Variants in CDK19 observed in about 807,000 individuals in gnomAD.
CDK19 encodes cyclin-dependent kinase 19.
In CDK19, 20 loss-of-function variants were observed where a neutral mutation model predicts 68.3. The observed-to-expected ratio is 0.29, with a 90% CI of 0.21 to 0.43. The LOEUF is 0.43. Ranked by LOEUF, CDK19 falls within the 20% of genes least tolerant of loss-of-function variation. The pLI, the probability that CDK19 is intolerant of heterozygous loss-of-function variation, is 1.00. For synonymous variants in CDK19, 221 were observed against 222.8 expected (o/e 0.99, Z 0.07); for missense variants, 339 against 623.5 (o/e 0.54, Z 4.86).
chr6:110,777,575 T>C (rs1270582852), intron 1 of CDK19, among the ~76,000 whole-genome samples: 2 of 152,060 alleles, frequency 1.3e-5, no homozygotes, highest in Non-Finnish European at 2.9e-5. Context: ...CTATGGAAAA[T>C]AGTATAGTGG....
intron 6 of CDK19, 36 bp downstream of exon 6, chr6:110,631,994 G>C: frequency 6.4e-7 from 1 of 1,559,658 alleles, no homozygotes; most frequent in Non-Finnish European, 8.7e-7. Context: ...ATGATCGTTA[G>C]ATGACAAGAT....
At position 110,735,273 on chromosome 6, in the gene CDK19, T is replaced by C. The variant is rs142898129; in HGVS notation, c.204+10853A>G. On this transcript the variant is annotated intron_variant, in intron 2 of 12. Coordinates refer to ENST00000368911, the MANE Select transcript of CDK19 (RefSeq NM_015076.5). Reference sequence around the variant, plus strand: ...ACAAATTTTAATTTTATATTTCAAATAAGAATATGCCTGAACACAAAGTTT... The same window carrying C: ...ACAAATTTTAATTTTATATTTCAAACAAGAATATGCCTGAACACAAAGTTT... 3.2e-3 allele frequency among the ~76,000 whole-genome samples: 483 copies of C among 152,060 alleles called. 2 individuals carry two copies. The highest frequency in any genetic ancestry group is 0.011 in the African/African-American group (466 of 41,496).
At chr6:110,723,147 A>AAC (rs1554212139) in intron 2 of CDK19, among the ~76,000 whole-genome samples, 4 of 104,648 alleles carry the variant, frequency 3.8e-5, no homozygotes, top group Admixed American at 1.3e-4. Context: ...AAAAAAACAA[A>AAC]AAACAAAAAA....
At chr6:110,629,353 T>TAAAA (rs1274476593) in intron 6 of CDK19, among the ~76,000 whole-genome samples, 1 of 152,084 alleles carries the variant, frequency 6.6e-6, no homozygotes, top group African/African-American at 2.4e-5. Context: ...GACACACCCA[T>TAAAA]AAACACACCT....
At chr6:110,770,268 TAA>T (rs1231844498) in intron 1 of CDK19, among the ~76,000 whole-genome samples, 1 of 151,316 alleles carries the variant, frequency 6.6e-6, no homozygotes, top group African/African-American at 2.4e-5. Context: ...ATGCTGCTGA[TAA>T]AGACATACCC....
At chr6:110,781,208 G>C (rs1562283313) in intron 1 of CDK19, among the ~76,000 whole-genome samples, 1 of 152,148 alleles carries the variant, frequency 6.6e-6, no homozygotes, top group Non-Finnish European at 1.5e-5. Flanking sequence ...CTTCCGATGA[G>C]GGCCTCAGGA....
chr6:110,648,538 C>CTT lies in CDK19; in HGVS notation c.457-9834_457-9833dup, dbSNP rs60624969. Among the ~76,000 whole-genome samples the CTT allele has an allele frequency of 2.5e-3, 298 of 120,198 alleles. 2 individuals are homozygous for CTT. The highest frequency in any genetic ancestry group is 0.018 in the East Asian group (69 of 3,798). 78.9% of individuals were successfully genotyped at this position (120,198 alleles called of 152,430 possible). A position where few individuals can be genotyped will look rare whatever the true frequency, so the allele number is the denominator to read the frequency against. ...AACACCATGAAATCTTTTTTCTTTTCTTTTTTTTTTTTTTTTTTTTGAGAA... is the reference window on the plus strand; with the variant it reads ...AACACCATGAAATCTTTTTTCTTTTCTTTTTTTTTTTTTTTTTTTTTTGAGAA... On this transcript the variant is annotated intron_variant, in intron 4 of 12. Coordinates refer to ENST00000368911, the MANE Select transcript of CDK19 (RefSeq NM_015076.5).
intron 4 of CDK19, among the ~76,000 whole-genome samples, chr6:110,648,343 G>C (rs1381091609): frequency 6.6e-6 from 1 of 151,960 alleles, no homozygotes; most frequent in Non-Finnish European, 1.5e-5. Context: ...ACAGAGCTTA[G>C]CAAGATGTCT....
chr6:110,625,028 C>G (rs1031965948), intron 8 of CDK19, among the ~76,000 whole-genome samples: 10 of 152,172 alleles, frequency 6.6e-5, no homozygotes, highest in African/African-American at 2.2e-4. Context: ...ATAAGAAGTA[C>G]TCATCTATTT....
Position 110,721,922 on chromosome 6 carries a change from C to T in CDK19, c.204+24204G>A, listed in dbSNP as rs562701874. 5.3e-5 allele frequency among the ~76,000 whole-genome samples: 8 copies of T among 152,242 alleles called. No individual in the cohort carries two copies. In the East Asian group the frequency reaches 1.5e-3, roughly 29 times the overall value. On this transcript the variant is annotated intron_variant, in intron 2 of 12. Transcript: ENST00000368911. ...GAGGTTGCAGTGAGCCGAGATCACG[C>T]CATTGCGCTCCAGCCTGGGCAACAG... is the stretch of plus-strand genomic sequence containing the variant.
At chr6:110,672,957 T>C (rs1469676681) in intron 2 of CDK19, among the ~76,000 whole-genome samples, 1 of 151,526 alleles carries the variant, frequency 6.6e-6, no homozygotes, top group East Asian at 1.9e-4. Context: ...TTTTTAAGTA[T>C]ACTAGATATA....
chr6:110,791,746 C>T (rs546046122), intron 1 of CDK19, among the ~76,000 whole-genome samples: 288 of 152,194 alleles, frequency 1.9e-3, no homozygotes, highest in Non-Finnish European at 3.3e-3. Flanking sequence ...CCTGCCTCAG[C>T]CTTCTGAGTA....
intron 1 of CDK19, among the ~76,000 whole-genome samples, chr6:110,755,817 G>C (rs1393572442): frequency 6.6e-6 from 1 of 152,186 alleles, no homozygotes; most frequent in East Asian, 1.9e-4. Context: ...TCAGTAAGCA[G>C]ATAGTATGCA....
intron 5 of CDK19, among the ~76,000 whole-genome samples, chr6:110,635,771 T>G (rs1278787411): frequency 1.3e-5 from 2 of 152,278 alleles, no homozygotes; most frequent in South Asian, 4.1e-4. Context: ...TCTCTTGACC[T>G]CATGATCTGC....
chr6:110,788,954 C>T (rs1268090684), intron 1 of CDK19, among the ~76,000 whole-genome samples: 1 of 152,132 alleles, frequency 6.6e-6, no homozygotes, highest in African/African-American at 2.4e-5. Flanking sequence ...TTACAGTATT[C>T]CACTTAACAT....
intron 8 of CDK19, among the ~76,000 whole-genome samples, chr6:110,624,696 CTT>C (rs1165261819): frequency 2.6e-5 from 4 of 152,166 alleles, no homozygotes; most frequent in Admixed American, 2.6e-4. Flanking sequence ...AATCTTCAAA[CTT>C]ATTATTTTGA....
At chr6:110,749,935 A>T (rs1484455622) in intron 1 of CDK19, among the ~76,000 whole-genome samples, 3 of 141,316 alleles carry the variant, frequency 2.1e-5, no homozygotes, top group Admixed American at 2.1e-4. Flanking sequence ...CCACACCCAG[A>T]TAATTTTTGT....
At chr6:110,790,528 C>T (rs774429840) in intron 1 of CDK19, among the ~76,000 whole-genome samples, 2 of 151,932 alleles carry the variant, frequency 1.3e-5, no homozygotes, top group Non-Finnish European at 2.9e-5. Flanking sequence ...GAGCAAGACT[C>T]TGTCTCAAAA....
intron 1 of CDK19, among the ~76,000 whole-genome samples, chr6:110,749,867 G>A (rs1326816874): frequency 6.9e-6 from 1 of 145,240 alleles, no homozygotes; most frequent in Non-Finnish European, 1.5e-5. Context: ...CCGCCTCCCA[G>A]GTTCAAGCAT....
Sources: allele counts gnomAD v4.1 joint callset (sites outside exome capture counted in the v4.1 genomes callset), GRCh38; gene constraint gnomAD v4.1.1; transcripts MANE v1.5; gene names NCBI Gene and HGNC (gene_info 2026-07-23, HGNC 2026-07-21).